The following PHKB variants were observed in gnomAD, a reference collection of about 807,000 sequenced individuals.
The protein encoded by PHKB is phosphorylase kinase regulatory subunit beta.
Under a neutral mutation model 152.1 loss-of-function variants are expected in PHKB, and 122 were observed. The ratio of observed to expected loss-of-function variants is 0.80; its 90% CI spans 0.69 to 0.93. PHKB has a LOEUF of 0.93. PHKB is among the 40% of genes least tolerant of loss of function. The pLI is 0.00. For missense variants in PHKB, 1,304 were observed against 1,328.4 expected (o/e 0.98, Z 0.29); for synonymous variants, 436 against 464.9 (o/e 0.94, Z 0.80).
chr16:47,502,033 A>G (rs1970332726), intron 3 of PHKB, among the ~76,000 whole-genome samples: 4 of 152,246 alleles, frequency 2.6e-5, no homozygotes, highest in Non-Finnish European at 4.4e-5. Flanking sequence ...GACATTCACC[A>G]TACTATGTCA....
chr16:47,649,530 A>G (rs962558859), intron 18 of PHKB, among the ~76,000 whole-genome samples: 76 of 152,376 alleles, frequency 5.0e-4, no homozygotes, highest in African/African-American at 1.7e-3. Flanking sequence ...AAGGTAAATT[A>G]GCAAAATAAT....
chr16:47,544,180 A>G (rs778418035), intron 6 of PHKB, among the ~76,000 whole-genome samples: 11 of 152,124 alleles, frequency 7.2e-5, no homozygotes, highest in Non-Finnish European at 1.6e-4. Context: ...TTGTGATGTT[A>G]GGGTGTCGAT....
At chr16:47,499,071 T>C (rs927411547) in intron 2 of PHKB, among the ~76,000 whole-genome samples, 8 of 152,246 alleles carry the variant, frequency 5.3e-5, no homozygotes, top group Admixed American at 2.6e-4. Flanking sequence ...TAATAAAATA[T>C]TAATTTCAGA....
At chr16:47,557,908 C>G (rs982369821) in intron 7 of PHKB, among the ~76,000 whole-genome samples, 1 of 152,148 alleles carries the variant, frequency 6.6e-6, no homozygotes, top group Non-Finnish European at 1.5e-5. Flanking sequence ...AATTATAAAT[C>G]ATGCTGCTAT....
chr16:47,619,617 C>T (rs1026200253), intron 14 of PHKB, among the ~76,000 whole-genome samples: 20 of 152,188 alleles, frequency 1.3e-4, no homozygotes, highest in African/African-American at 4.8e-4. Context: ...CTAACTTGTT[C>T]CTGTTAAAGG....
rs1971713724 is a variant in PHKB at position 47,574,275 on chromosome 16, C to G, written c.711-6020C>G. On this transcript the variant is annotated intron_variant, in intron 7 of 30. Transcript: ENST00000323584. ...GTGCTTGGTAGGGTTGAGACATTCCCCTGTGGCCTGGATTGCCCAGTTCCC... is the reference window on the plus strand; with the variant it reads ...GTGCTTGGTAGGGTTGAGACATTCCGCTGTGGCCTGGATTGCCCAGTTCCC... 2.0e-5 allele frequency among the ~76,000 whole-genome samples: 3 copies of G among 152,150 alleles called. No individual in the cohort carries two copies. In the South Asian group the frequency reaches 6.2e-4, roughly 31 times the overall value.
At chr16:47,596,668 A>T in intron 13 of PHKB, 137 bp downstream of exon 13, 1 of 730,030 alleles carries the variant, frequency 1.4e-6, no homozygotes, top group Non-Finnish European at 2.4e-6. Flanking sequence ...GTTTCCTAGT[A>T]TCTAGTGGTA....
rs2151693837 is a variant in PHKB, at chr16:47,582,224, C to A, written c.774+1866C>A. Among the ~76,000 whole-genome samples the A allele has an allele frequency of 1.3e-5, 2 of 152,172 alleles. 1 individual carries two copies. Among genetic ancestry groups the A allele is most frequent in the South Asian group, 4.2e-4 (2 of 4,816 alleles). On this transcript the variant is annotated intron_variant, in intron 8 of 30. Coordinates refer to ENST00000323584, the MANE Select transcript of PHKB (RefSeq NM_000293.3). ...GGCTGTTACATGGTAGTAGCCAGCT[C>A]TTTTTTGCAATAGTGTCATCTCCTT...
intron 26 of PHKB, among the ~76,000 whole-genome samples, chr16:47,672,397 A>G (rs1361393841): frequency 5.3e-5 from 8 of 152,168 alleles, no homozygotes; most frequent in Non-Finnish European, 5.9e-5. Context: ...GCTAACTCCA[A>G]ATGAAAAGAA....
chr16:47,612,638 A>C (rs867447589), intron 14 of PHKB, among the ~76,000 whole-genome samples: 1 of 152,144 alleles, frequency 6.6e-6, no homozygotes. Context: ...TAGCTAAGAG[A>C]AATGCTCCTC....
At chr16:47,543,975 T>G (rs368280517) in intron 6 of PHKB, among the ~76,000 whole-genome samples, 1 of 152,180 alleles carries the variant, frequency 6.6e-6, no homozygotes, top group African/African-American at 2.4e-5. Flanking sequence ...GATTCTTCTC[T>G]CTTTTCTTCT....
intron 10 of PHKB, among the ~76,000 whole-genome samples, chr16:47,593,279 G>T (rs567782844): frequency 1.3e-5 from 2 of 150,766 alleles, no homozygotes; most frequent in South Asian, 4.2e-4. Flanking sequence ...GAGAGAGACA[G>T]AGATAGCCAG....
At chr16:47,596,585 A>G (rs987431299) in intron 13 of PHKB, 54 bp downstream of exon 13, 4 of 1,514,444 alleles carry the variant, frequency 2.6e-6, no homozygotes, top group Non-Finnish European at 3.7e-6. Flanking sequence ...AAGCTATTAG[A>G]AATAAATATG....
intron 6 of PHKB, among the ~76,000 whole-genome samples, chr16:47,534,486 T>C (rs983913581): frequency 6.6e-6 from 1 of 152,202 alleles, no homozygotes; most frequent in South Asian, 2.1e-4. Context: ...AAAACTGTTA[T>C]GGTAGGATTT....
chr16:47,687,096 C>G lies in PHKB; in HGVS notation c.2631-1945C>G, dbSNP rs1001783790. ...TCCATTGACTTATTGAGGAGACCAA[C>G]AGGCAGGTCTTCCGATGTTTAATTC... On this transcript the variant is annotated intron_variant, in intron 26 of 30. Coordinates refer to ENST00000323584, the MANE Select transcript of PHKB (RefSeq NM_000293.3). Among the ~76,000 whole-genome samples the G allele has an allele frequency of 5.9e-5, 9 of 152,156 alleles. No homozygotes were observed. The East Asian group carries it at 1.5e-3, about 26-fold the overall frequency.
intron 13 of PHKB, chr16:47,598,808 T>A: frequency 6.3e-7 from 1 of 1,596,602 alleles, no homozygotes; most frequent in South Asian, 1.1e-5. Context: ...TCTAATTTTT[T>A]AACATCTGGT....
At chr16:47,553,724 G>A (rs926593278) in intron 7 of PHKB, among the ~76,000 whole-genome samples, 1 of 152,142 alleles carries the variant, frequency 6.6e-6, no homozygotes, top group Non-Finnish European at 1.5e-5. Flanking sequence ...TCTCTGAGTG[G>A]ACATCCTTTT....
chr16:47,660,109 G>A (rs905015473), intron 20 of PHKB, among the ~76,000 whole-genome samples: 3 of 152,084 alleles, frequency 2.0e-5, no homozygotes, highest in Non-Finnish European at 4.4e-5. Context: ...TGATCCACCC[G>A]CCTTGACACC....
intron 7 of PHKB, among the ~76,000 whole-genome samples, chr16:47,554,134 TC>T (rs1354962247): frequency 1.3e-5 from 2 of 152,224 alleles, no homozygotes; most frequent in African/African-American, 4.8e-5. Context: ...AGCTGCCCCT[TC>T]CCTCTGTCCC....
Sources: gnomAD v4.1 joint callset for allele counts (sites outside exome capture counted in the v4.1 genomes callset) on GRCh38, gnomAD v4.1.1 for gene constraint, MANE v1.5 for transcripts, NCBI Gene and HGNC (gene_info 2026-07-23, HGNC 2026-07-21) for gene names.